ST6GALNAC2: variants seen among roughly 807,000 people sequenced by gnomAD.
ST6GALNAC2 encodes alpha-N-acetylgalactosaminide alpha-2,6-sialyltransferase 2.
A neutral mutation model predicts 38.7 loss-of-function variants in ST6GALNAC2; 42 were observed. The ratio of observed to expected loss-of-function variants is 1.09; its 90% CI spans 0.85 to 1.40. ST6GALNAC2 has a LOEUF of 1.40. ST6GALNAC2 is among the 40% of genes most tolerant of loss of function. The pLI is 0.00. For missense variants in ST6GALNAC2, 506 were observed against 481.7 expected (o/e 1.05, Z -0.47); for synonymous variants, 233 against 209.0 (o/e 1.11, Z -0.99).
In ST6GALNAC2 at chr17:76,572,535, C is replaced by A. The variant is rs949927555; in HGVS notation, c.669+102G>T. 4.3e-6 allele frequency: 6 copies of A among 1,385,054 alleles called. No individual in the cohort carries two copies. The Admixed American group carries it at 5.8e-5, about 13-fold the overall frequency. The allele number at this position is 1,385,054 out of a possible 1,614,324, so 85.8% of individuals were successfully genotyped here. ...CAGAATCCTGGCACCCCCTCAGCAT[C>A]CACTGGACCAGGGTGTGTGAGCCCT... On this transcript the variant is annotated intron_variant, in intron 5 of 8. Coordinates refer to ENST00000225276, the MANE Select transcript of ST6GALNAC2 (RefSeq NM_006456.3).
chr17:76,584,397 T>C (rs1265661065), intron 1 of ST6GALNAC2, among the ~76,000 whole-genome samples: 1 of 152,172 alleles, frequency 6.6e-6, no homozygotes, highest in Non-Finnish European at 1.5e-5. Flanking sequence ...GGTTTCGCCA[T>C]GTTGCCCAGG....
At position 76,570,900 on chromosome 17, in the gene ST6GALNAC2, T is replaced by C. The variant is rs2075346336; in HGVS notation, c.670-232A>G. The C allele has an allele frequency of 6.0e-6, 3 of 496,192 alleles. No individual in the cohort carries two copies. The Admixed American group carries it at 1.0e-4, about 17-fold the overall frequency. 30.7% of individuals were successfully genotyped at this position (496,192 alleles called of 1,614,324 possible). A position where few individuals can be genotyped will look rare whatever the true frequency, so the allele number is the denominator to read the frequency against. ...CATCCCCTGGAGTATGGGCTGGACT[T>C]AGCGACTCATGCACAGGATTTTTCT... On this transcript the variant is annotated intron_variant, in intron 5 of 8. Transcript: ENST00000225276.
chr17:76,572,748 G>A lies in ST6GALNAC2; in HGVS notation c.558C>T (p.Phe186=), dbSNP rs565637194. 6.8e-5 allele frequency: 110 copies of A among 1,614,160 alleles called. No homozygotes were observed. Among genetic ancestry groups the A allele is most frequent in the South Asian group, 2.2e-4 (20 of 91,092 alleles). Residue 186 remains phenylalanine (F), a synonymous_variant, in exon 5 of 9, where the codon TTC becomes TTT. Coordinates refer to ENST00000225276, the MANE Select transcript of ST6GALNAC2 (RefSeq NM_006456.3). ...FRLNGAVIKG[F]ERDVGTKTSF... ...AAGTCTTGGTGCCCACATCGCGCTC[G>A]AAGCCTTTGATCACAGCTCCATTGA...
In ST6GALNAC2 at chr17:76,566,744, TCCCAGCTA is replaced by T. The variant is rs201573247; in HGVS notation, c.958-481_958-474del. The stretch of plus-strand genomic sequence containing the variant: ...TGGGCGTGGCAGTACATGCCTGTGA[TCCCAGCTA>T]CCCAGCTACTTGGGAAGCTGAGGCA... On this transcript the variant is annotated intron_variant, in intron 8 of 8. Coordinates refer to ENST00000225276, the MANE Select transcript of ST6GALNAC2 (RefSeq NM_006456.3). Among the ~76,000 whole-genome samples the T allele has an allele frequency of 8.1e-3, 1,220 of 150,194 alleles. 18 individuals are homozygous for T. The highest frequency in any genetic ancestry group is 0.027 in the African/African-American group (1,124 of 40,900).
chr17:76,583,600 GCCT>G (rs778696188), intron 1 of ST6GALNAC2, among the ~76,000 whole-genome samples: 129 of 74,566 alleles, frequency 1.7e-3, no homozygotes, highest in African/African-American at 5.1e-3. Flanking sequence ...TTTGGTGAAG[GCCT>G]TTTTTTTTTT....
In ST6GALNAC2 at chr17:76,570,535, G is replaced by A. The variant is rs763069820; in HGVS notation, c.773+30C>T. On this transcript the variant is annotated intron_variant, in intron 6 of 8. Coordinates refer to ENST00000225276, the MANE Select transcript of ST6GALNAC2 (RefSeq NM_006456.3). ...ACAGTGTCCCTTGCCCCTCTGCCAC[G>A]CCCCACACCACCACGGCCTGGCTGC... 33 of 1,522,022 alleles carry A rather than the reference G, an allele frequency of 2.2e-5. No homozygotes were observed. In the Admixed American group the frequency reaches 4.0e-4, roughly 18 times the overall value. The allele number at this position is 1,522,022 out of a possible 1,614,324, so 94.3% of individuals were successfully genotyped here. A position where few individuals can be genotyped will look rare whatever the true frequency, so the allele number is the denominator to read the frequency against.
At chr17:76,579,479 C>A (rs1282835154) in intron 1 of ST6GALNAC2, among the ~76,000 whole-genome samples, 3 of 152,230 alleles carry the variant, frequency 2.0e-5, no homozygotes, top group Non-Finnish European at 4.4e-5. Context: ...GATGACTGGG[C>A]CTTCCTTCCC....
intron 6 of ST6GALNAC2, 150 bp from the exon 7 acceptor site, chr17:76,568,946 A>T: frequency 1.5e-6 from 1 of 678,400 alleles, no homozygotes. Context: ...GGGGTGTAGA[A>T]GGTGGCAGGC....
At chr17:76,585,539 C>G in intron 1 of ST6GALNAC2, 145 bp downstream of exon 1, 1 of 957,242 alleles carries the variant, frequency 1.0e-6, no homozygotes, top group Non-Finnish European at 1.4e-6. Flanking sequence ...GGGCCGCGGC[C>G]GAGTCCTCGC....
At chr17:76,578,144 G>A (rs560817765) in intron 2 of ST6GALNAC2, among the ~76,000 whole-genome samples, 1 of 152,144 alleles carries the variant, frequency 6.6e-6, no homozygotes, top group African/African-American at 2.4e-5. Context: ...ATCGCGCAAT[G>A]GTTCTGAGCC....
chr17:76,574,370 T>A lies in ST6GALNAC2; in HGVS notation c.356A>T (p.His119Leu), dbSNP rs111460202. The stretch of plus-strand genomic sequence containing the variant: ...AGACAGCGGGCGCGGGTTACCTTGG[T>A]GAGAGAGCCCCCGCCAGCCATACGG... Reference protein sequence around the residue: ...KAPYGWRGLSHQVIASTLSLL... With the variant: ...KAPYGWRGLSLQVIASTLSLL... The change falls in exon 3 of 9, where the codon CAC becomes CTC. Residue 119 changes from histidine (H) to leucine (L), a missense_variant. Coordinates refer to ENST00000225276, the MANE Select transcript of ST6GALNAC2 (RefSeq NM_006456.3). 75 of 1,611,926 alleles carry A rather than the reference T, an allele frequency of 4.7e-5. No individual in the cohort carries two copies. The highest frequency in any genetic ancestry group is 2.3e-4 in the Admixed American group (14 of 59,858).
intron 1 of ST6GALNAC2, 70 bp downstream of exon 1, chr17:76,585,614 C>T (rs2075536316): frequency 1.4e-6 from 2 of 1,431,370 alleles, no homozygotes; most frequent in Non-Finnish European, 1.8e-6. Flanking sequence ...CCGGGGAGCC[C>T]TGGGCTGGGG....
chr17:76,572,342 A>C (rs1019913312), intron 5 of ST6GALNAC2, among the ~76,000 whole-genome samples: 2 of 152,168 alleles, frequency 1.3e-5, no homozygotes, highest in African/African-American at 4.8e-5. Flanking sequence ...TCCCCACACC[A>C]GTAAAACCAT....
chr17:76,566,329 T>G, intron 8 of ST6GALNAC2, 58 bp from the exon 9 acceptor site: 8 of 1,573,728 alleles, frequency 5.1e-6, no homozygotes, highest in Non-Finnish European at 7.0e-6. Flanking sequence ...GTACAGACAC[T>G]TGGGTGAAGT....
chr17:76,579,522 T>A (rs1170444747), intron 1 of ST6GALNAC2, among the ~76,000 whole-genome samples: 2 of 152,210 alleles, frequency 1.3e-5, no homozygotes, highest in African/African-American at 4.8e-5. Flanking sequence ...ACTCCTGAAG[T>A]ACAATCCTGG....
Position 76,572,662 on chromosome 17 carries a change from C to G in ST6GALNAC2, c.644G>C (p.Gly215Ala). ...CTGTCCTTGTGGCACGGAGGTGAAG[C>G]CCAGATTCCAGTAGGAGACGAGGGA... Reference protein sequence around the residue: ...KNSLVSYWNLGFTSVPQGQDL... With the variant: ...KNSLVSYWNLAFTSVPQGQDL... The change falls in exon 5 of 9, where the codon GGC becomes GCC. Residue 215 changes from glycine (G) to alanine (A), a missense_variant. Transcript: ENST00000225276. 3.1e-6 allele frequency: 5 copies of G among 1,614,100 alleles called. No homozygotes were observed. Among genetic ancestry groups the G allele is most frequent in the South Asian group, 1.1e-5 (1 of 91,088 alleles).
Position 76,572,763 on chromosome 17 carries a change from A to T in ST6GALNAC2, c.543T>A (p.Ala181=). The T allele has an allele frequency of 6.2e-7, 1 of 1,614,134 alleles. No individual in the cohort carries two copies. The highest frequency in any genetic ancestry group is 1.1e-5 in the South Asian group (1 of 91,090). The change falls in exon 5 of 9, where the codon GCT becomes GCA. Residue 181 remains alanine (A), a synonymous_variant. Coordinates refer to ENST00000225276, the MANE Select transcript of ST6GALNAC2 (RefSeq NM_006456.3). ...AHDYVFRLNG[A]VIKGFERDVG... is the part of the protein sequence containing the mutation. Reference sequence around the variant, plus strand: ...CATCGCGCTCGAAGCCTTTGATCACAGCTCCATTGAGTCTGGTTGGCACAG... The same window carrying T: ...CATCGCGCTCGAAGCCTTTGATCACTGCTCCATTGAGTCTGGTTGGCACAG...
rs1184667428 is a variant in ST6GALNAC2, at chr17:76,585,667, C to T, written c.125+17G>A. On this transcript the variant is annotated intron_variant, in intron 1 of 8. Transcript: ENST00000225276. ...GTCGCCCCTGCGCCCTCCCGCTCTG[C>T]GCTCGGCAGCCCCTACCTGGCTCCG... 2.6e-6 allele frequency: 4 copies of T among 1,516,988 alleles called. No individual in the cohort carries two copies. Among genetic ancestry groups the T allele is most frequent in the South Asian group, 2.4e-5 (2 of 82,380 alleles). 94.0% of individuals were successfully genotyped at this position (1,516,988 alleles called of 1,614,324 possible). A position where few individuals can be genotyped will look rare whatever the true frequency, so the allele number is the denominator to read the frequency against.
intron 6 of ST6GALNAC2, chr17:76,570,301 G>T (rs1387622447): frequency 1.0e-5 from 5 of 478,012 alleles, no homozygotes; most frequent in Non-Finnish European, 7.7e-6. Context: ...CAGAAGAGCT[G>T]CCTCTCCCAC....
Sources: allele counts gnomAD v4.1 joint callset (sites outside exome capture counted in the v4.1 genomes callset), GRCh38; gene constraint gnomAD v4.1.1; transcripts MANE v1.5; gene names NCBI Gene and HGNC (gene_info 2026-07-23, HGNC 2026-07-21).